MEGF6: variants seen among roughly 807,000 people sequenced by gnomAD.
MEGF6 encodes multiple epidermal growth factor-like domains protein 6.
Under a neutral mutation model 207.1 loss-of-function variants are expected in MEGF6, and 184 were observed. That is an observed-to-expected ratio of 0.89 (90% CI 0.79 to 1.00). The LOEUF is 1.00. Ranked by LOEUF, MEGF6 falls within the 50% of genes least tolerant of loss-of-function variation. The pLI is 0.00. For synonymous variants in MEGF6, 1,038 were observed against 910.0 expected (o/e 1.14, Z -2.53); for missense variants, 2,282 against 2,202.9 (o/e 1.04, Z -0.72).
intron 3 of MEGF6, among the ~76,000 whole-genome samples, chr1:3,584,902 C>A (rs183362289): frequency 1.2e-3 from 185 of 152,384 alleles, no homozygotes; most frequent in African/African-American, 3.8e-3. Flanking sequence ...GACTCTAAGG[C>A]GTCACGGGGC....
At chr1:3,501,415 C>T (rs1426834555) in intron 18 of MEGF6, 107 bp from the exon 19 acceptor site, 15 of 1,426,574 alleles carry the variant, frequency 1.1e-5, no homozygotes, top group Non-Finnish European at 1.4e-5. Context: ...GGTGGAACCA[C>T]TGTTACCATC....
At chr1:3,598,668 A>G (rs953285461) in intron 2 of MEGF6, among the ~76,000 whole-genome samples, 2 of 150,114 alleles carry the variant, frequency 1.3e-5, no homozygotes, top group Non-Finnish European at 3.0e-5. Context: ...ACGGGCTCCA[A>G]CGCTGGGGAG....
intron 4 of MEGF6, among the ~76,000 whole-genome samples, chr1:3,566,044 T>A (rs1047683875): frequency 6.6e-6 from 1 of 152,168 alleles, no homozygotes; most frequent in Non-Finnish European, 1.5e-5. Flanking sequence ...AGAGAAGACA[T>A]TGACCCCTGA....
intron 4 of MEGF6, among the ~76,000 whole-genome samples, chr1:3,537,911 A>G (rs1403350824): frequency 6.6e-6 from 1 of 152,164 alleles, no homozygotes; most frequent in Non-Finnish European, 1.5e-5. Flanking sequence ...GGCTGGGACC[A>G]GGCTTGGAGT....
intron 3 of MEGF6, among the ~76,000 whole-genome samples, chr1:3,585,096 G>C (rs143481596): frequency 8.6e-4 from 130 of 151,704 alleles, no homozygotes; most frequent in African/African-American, 2.9e-3. Context: ...GAGGACACAT[G>C]TCCTGTGTGA....
chr1:3,567,920 C>T (rs918201670), intron 4 of MEGF6, among the ~76,000 whole-genome samples: 1 of 152,134 alleles, frequency 6.6e-6, no homozygotes, highest in Non-Finnish European at 1.5e-5. Flanking sequence ...AAACCAGCCT[C>T]GGGCTCCCCC....
At chr1:3,549,418 C>T (rs1338247145) in intron 4 of MEGF6, among the ~76,000 whole-genome samples, 1 of 152,178 alleles carries the variant, frequency 6.6e-6, no homozygotes. Context: ...GGTGACGGCT[C>T]CTCCCCAAAG....
At position 3,560,718 on chromosome 1, in the gene MEGF6, A is replaced by T; in HGVS notation, c.481+19107T>A. On this transcript the variant is annotated intron_variant, in intron 4 of 36. Coordinates refer to ENST00000356575, the MANE Select transcript of MEGF6 (RefSeq NM_001409.4). The surrounding 1 kb of genome is among the most constrained non-coding windows in gnomAD (Gnocchi z 4.0). Reference sequence around the variant, plus strand: ...GGTTTCCAGGGCAACCCTGGAAACCAAGAGTGGGTCGCCTAGAAACGGTCA... The same window carrying T: ...GGTTTCCAGGGCAACCCTGGAAACCTAGAGTGGGTCGCCTAGAAACGGTCA... 2.2e-6 allele frequency: 1 copy of T among 461,594 alleles called. No homozygotes were observed. The highest frequency in any genetic ancestry group is 1.6e-5 in the South Asian group (1 of 63,216). 28.6% of individuals were successfully genotyped at this position (461,594 alleles called of 1,614,324 possible).
chr1:3,497,060 T>C lies in MEGF6; in HGVS notation c.3541A>G (p.Asn1181Asp), dbSNP rs1275002813. The change falls in exon 28 of 37, where the codon AAC becomes GAC. Residue 1181 changes from asparagine to aspartate, a missense_variant. By Grantham distance (23) the Asn-to-Asp change is conservative. Coordinates refer to ENST00000356575, the MANE Select transcript of MEGF6 (RefSeq NM_001409.4). ...CAQMCQCPGE[N>D]PACHPATGTC... ...CCGGTGGCAGGGTGGCAGGCCGGGTTCTCACCGGGACACTGGCACATCTGC... is the reference window on the plus strand; with the variant it reads ...CCGGTGGCAGGGTGGCAGGCCGGGTCCTCACCGGGACACTGGCACATCTGC... The C allele has an allele frequency of 1.9e-6, 3 of 1,560,060 alleles. No homozygotes were observed. In the South Asian group the frequency reaches 3.5e-5, roughly 18 times the overall value.
chr1:3,609,487 A>C (rs1301840804), intron 1 of MEGF6, among the ~76,000 whole-genome samples: 1 of 152,234 alleles, frequency 6.6e-6, no homozygotes, highest in African/African-American at 2.4e-5. Flanking sequence ...AGAGGCCTCC[A>C]GTGGATACGC....
rs779451384 is a variant in MEGF6, at chr1:3,556,001, C to T, written c.481+23824G>A. Reference sequence around the variant, plus strand: ...CATCTCAAGTCTGCCCGCCCACCCACAGGACTCACGGGATCCTGGCTGGCC... The same window carrying T: ...CATCTCAAGTCTGCCCGCCCACCCATAGGACTCACGGGATCCTGGCTGGCC... On this transcript the variant is annotated intron_variant, in intron 4 of 36. Transcript: ENST00000356575. This position sits in a 1 kb window ranked among gnomAD's most constrained non-coding sequence, Gnocchi z 4.4. 6.6e-6 allele frequency among the ~76,000 whole-genome samples: 1 copy of T among 152,236 alleles called. No individual in the cohort carries two copies. Among genetic ancestry groups the T allele is most frequent in the Non-Finnish European group, 1.5e-5 (1 of 68,040 alleles).
At chr1:3,620,818 G>A in the MEGF6 span, among the ~76,000 whole-genome samples, 2 of 152,230 alleles carry the variant, frequency 1.3e-5, no homozygotes, top group African/African-American at 2.4e-5. Context: ...GCCTGGCTGC[G>A]CTGTTATTTA....
intron 4 of MEGF6, among the ~76,000 whole-genome samples, chr1:3,545,959 G>A (rs994575547): frequency 2.7e-5 from 4 of 150,156 alleles, no homozygotes; most frequent in South Asian, 2.2e-4. Context: ...CCCTCCAAAC[G>A]GCTCGCAGCT....
intron 4 of MEGF6, among the ~76,000 whole-genome samples, chr1:3,551,164 G>A (rs193268105): frequency 1.6e-4 from 25 of 152,328 alleles, no homozygotes; most frequent in African/African-American, 2.9e-4. Flanking sequence ...CCCAGCCCCC[G>A]TGGTGGTGAG....
rs557664294 is a variant in MEGF6 at position 3,503,865 on chromosome 1, C to T, written c.2188+1343G>A. ...GGCTTGTGCACAGATGGGAAGTGGG[C>T]GCTCAGAGCTGCTGCACACCGGCCT... On this transcript the variant is annotated intron_variant, in intron 17 of 36. Transcript: ENST00000356575. 5.7e-4 allele frequency among the ~76,000 whole-genome samples: 86 copies of T among 152,196 alleles called. 2 individuals carry two copies. Among genetic ancestry groups the T allele is most frequent in the Admixed American group, 3.9e-3 (59 of 15,298 alleles).
intron 13 of MEGF6, 23 bp from the exon 14 acceptor site, chr1:3,507,946 G>A (rs369728640): frequency 7.5e-5 from 121 of 1,603,614 alleles, no homozygotes; most frequent in South Asian, 1.2e-4. Context: ...ACAGGGAAGC[G>A]TCAGGGTCAC....
chr1:3,496,003 C>G lies in MEGF6; in HGVS notation c.3758G>C (p.Arg1253Pro). 6.5e-7 allele frequency: 1 copy of G among 1,534,298 alleles called. No individual in the cohort carries two copies. Among genetic ancestry groups the G allele is most frequent in the Non-Finnish European group, 8.7e-7 (1 of 1,147,876 alleles). ...CACGTGGGTGCAGTTGGGGCCGAAG[C>G]GGCCCTGCGGACAGGCTGCCGGGGA... ...TDCNLTCPQG[R>P]FGPNCTHVCG... is the part of the protein sequence containing the mutation. The change falls in exon 30 of 37, where the codon CGC (arginine) becomes CCC (proline). Residue 1253 changes from arginine to proline, a missense_variant. Physicochemically the swap from Arg to Pro is moderately radical, Grantham distance 103. Coordinates refer to ENST00000356575, the MANE Select transcript of MEGF6 (RefSeq NM_001409.4).
rs948587998 is a variant in MEGF6 at position 3,488,293 on chromosome 1, G to A, written c.*2235C>T. On this transcript the variant is annotated 3_prime_UTR_variant, in exon 37 of 37. Transcript: ENST00000356575. Reference sequence around the variant, plus strand: ...ATTTCCTCCGGATGGGCAGAAGCTCGGCCTGCCTTATGGCTTCCGTAGCTG... The same window carrying A: ...ATTTCCTCCGGATGGGCAGAAGCTCAGCCTGCCTTATGGCTTCCGTAGCTG... 2.0e-5 allele frequency among the ~76,000 whole-genome samples: 3 copies of A among 152,154 alleles called. No individual in the cohort carries two copies. The highest frequency in any genetic ancestry group is 6.5e-5 in the Admixed American group (1 of 15,282).
rs1156380408 is a variant in MEGF6 at position 3,595,342 on chromosome 1, G to T, written c.372C>A (p.Leu124=). The change falls in exon 3 of 37, where the codon CTC becomes CTA. Residue 124 remains leucine, a synonymous_variant. Transcript: ENST00000356575. The part of the protein sequence containing the change: ...WMQQPDEEGC[L]SAECSASLCF... ...GGAGGCGCAGGCGGCACTCACCCGA[G>T]AGGCAGCCCTCCTCGTCGGGCTGCT... The T allele has an allele frequency of 1.2e-6, 2 of 1,611,204 alleles. No homozygotes were observed. Among genetic ancestry groups the T allele is most frequent in the South Asian group, 2.2e-5 (2 of 91,028 alleles).
Sources: gnomAD v4.1 joint callset for allele counts (sites outside exome capture counted in the v4.1 genomes callset) on GRCh38, gnomAD v4.1.1 for gene constraint, Gnocchi (gnomAD v3.1) non-coding constraint, MANE v1.5 for transcripts, NCBI Gene and HGNC (gene_info 2026-07-23, HGNC 2026-07-21) for gene names.